Variants in PHF14 observed in about 807,000 individuals in gnomAD.
The protein encoded by PHF14 is PHD finger protein 14.
A neutral mutation model predicts 117.9 loss-of-function variants in PHF14; 55 were observed. The observed-to-expected ratio is 0.47, with a 90% CI of 0.38 to 0.58. The LOEUF (loss-of-function observed/expected upper bound fraction) is 0.58. Among genes scored for constraint, PHF14 ranks in the 20% least tolerant of loss-of-function variants. The pLI, the probability that PHF14 is intolerant of heterozygous loss-of-function variation, is 0.00. For missense variants in PHF14, 978 were observed against 1,122.2 expected (o/e 0.87, Z 1.84); for synonymous variants, 409 against 368.6 (o/e 1.11, Z -1.26).
intron 17 of PHF14, among the ~76,000 whole-genome samples, chr7:11,143,273 A>G (rs1305377925): frequency 6.6e-6 from 1 of 152,112 alleles, no homozygotes; most frequent in Non-Finnish European, 1.5e-5. Flanking sequence ...TTTTCTATCA[A>G]TAACCATGAA....
chr7:11,059,047 T>G (rs1175142242), intron 14 of PHF14, among the ~76,000 whole-genome samples: 1 of 152,200 alleles, frequency 6.6e-6, no homozygotes, highest in Non-Finnish European at 1.5e-5. Flanking sequence ...AGTGACTATT[T>G]TAGATAATTA....
chr7:11,064,116 G>A (rs1562447240), intron 16 of PHF14, among the ~76,000 whole-genome samples: 3 of 151,786 alleles, frequency 2.0e-5, no homozygotes, highest in African/African-American at 7.2e-5. Flanking sequence ...ATAAAGCAAT[G>A]CCATAAAATA....
intron 17 of PHF14, among the ~76,000 whole-genome samples, chr7:11,159,434 A>G (rs1293774485): frequency 2.0e-5 from 3 of 152,098 alleles, no homozygotes; most frequent in South Asian, 4.1e-4. Context: ...TGTGATGTCA[A>G]TTAAATGGCC....
At chr7:11,097,834 A>G (rs1036954828) in intron 16 of PHF14, among the ~76,000 whole-genome samples, 7 of 152,232 alleles carry the variant, frequency 4.6e-5, no homozygotes, top group East Asian at 1.9e-4. Flanking sequence ...CCTCTATTCT[A>G]TCTTCTCCTT....
intron 16 of PHF14, among the ~76,000 whole-genome samples, chr7:11,076,106 T>C (rs968283235): frequency 1.3e-5 from 2 of 152,218 alleles, no homozygotes; most frequent in African/African-American, 4.8e-5. Context: ...GCCGCTGCAC[T>C]CCAGCCTGGG....
At chr7:11,096,343 G>C (rs550400663) in intron 16 of PHF14, among the ~76,000 whole-genome samples, 1 of 152,196 alleles carries the variant, frequency 6.6e-6, no homozygotes, top group East Asian at 1.9e-4. Flanking sequence ...TGCTCATACA[G>C]ACCTGACAAT....
intron 3 of PHF14, among the ~76,000 whole-genome samples, chr7:10,990,101 C>T (rs1293369653): frequency 6.6e-6 from 1 of 152,086 alleles, no homozygotes; most frequent in African/African-American, 2.4e-5. Context: ...CCTACGCAGG[C>T]TCTCATGGAT....
chr7:11,047,972 AAG>A (rs1037727142), intron 13 of PHF14, among the ~76,000 whole-genome samples: 31 of 150,116 alleles, frequency 2.1e-4, no homozygotes, highest in Admixed American at 5.3e-4. Flanking sequence ...AGGAAGGGAA[AAG>A]AGAAAAACCT....
chr7:11,035,352 G>A (rs980574790), intron 7 of PHF14, among the ~76,000 whole-genome samples: 4 of 151,998 alleles, frequency 2.6e-5, no homozygotes, highest in Non-Finnish European at 4.4e-5. Context: ...ATATTGAAGG[G>A]CTACTATACA....
At chr7:11,120,698 G>T (rs1787726315) in intron 17 of PHF14, among the ~76,000 whole-genome samples, 1 of 151,864 alleles carries the variant, frequency 6.6e-6, no homozygotes, top group African/African-American at 2.4e-5. Context: ...AATATTGATG[G>T]TAATTCATAT....
chr7:11,142,569 G>C (rs1021614646), intron 17 of PHF14, among the ~76,000 whole-genome samples: 3 of 151,994 alleles, frequency 2.0e-5, no homozygotes, highest in African/African-American at 7.2e-5. Flanking sequence ...TCTTGAAAAT[G>C]TGTCTTCCAT....
chr7:11,058,215 A>G (rs1403265035), intron 14 of PHF14, among the ~76,000 whole-genome samples: 2 of 152,194 alleles, frequency 1.3e-5, no homozygotes, highest in Non-Finnish European at 2.9e-5. Context: ...TGGTAACTGA[A>G]ATTTGTCAGA....
chr7:11,093,869 A>G (rs1786742254), intron 16 of PHF14, among the ~76,000 whole-genome samples: 1 of 152,124 alleles, frequency 6.6e-6, no homozygotes, highest in Non-Finnish European at 1.5e-5. Context: ...AGACCTTTAA[A>G]AGTACAAGGG....
At chr7:10,988,131 A>G (rs1218532106) in intron 3 of PHF14, among the ~76,000 whole-genome samples, 1 of 151,494 alleles carries the variant, frequency 6.6e-6, no homozygotes, top group African/African-American at 2.4e-5. Context: ...CCATTTAGTT[A>G]GGGAAATATT....
intron 16 of PHF14, among the ~76,000 whole-genome samples, chr7:11,084,506 T>C (rs1187437682): frequency 6.6e-6 from 1 of 152,062 alleles, no homozygotes; most frequent in Non-Finnish European, 1.5e-5. Context: ...TTTTTTTTTT[T>C]TTTTAACTTC....
intron 5 of PHF14, among the ~76,000 whole-genome samples, chr7:11,017,344 A>T (rs220095): frequency 0.64 from 97,189 of 152,008 alleles, 31,705 homozygotes; most frequent in Middle Eastern, 0.71. Context: ...TTGTACTAAT[A>T]TACATTTCAT....
At chr7:11,026,178 C>A (rs1008520735) in intron 6 of PHF14, among the ~76,000 whole-genome samples, 1 of 151,928 alleles carries the variant, frequency 6.6e-6, no homozygotes. Flanking sequence ...ACCACCACCC[C>A]CATCCGTCAG....
chr7:11,080,843 A>C (rs2128336168), intron 16 of PHF14, among the ~76,000 whole-genome samples: 1 of 152,290 alleles, frequency 6.6e-6, no homozygotes, highest in South Asian at 2.1e-4. Flanking sequence ...TTTTGAATAT[A>C]GCAGAAACAG....
chr7:11,140,341 A>ATGT lies in PHF14; in HGVS notation c.2772+28876_2772+28878dup, dbSNP rs139589422. Among the ~76,000 whole-genome samples, 1,226 of 152,230 alleles carry ATGT rather than the reference A, an allele frequency of 8.1e-3. 11 individuals are homozygous for ATGT. The highest frequency in any genetic ancestry group is 0.028 in the African/African-American group (1,169 of 41,540). ...CTATTCAATTTCAGCTTTAAAACAA[A>ATGT]TGTTCACAGCTCAGTAAATCTACAT... On this transcript the variant is annotated intron_variant, in intron 17 of 17. Coordinates refer to ENST00000634607, the MANE Select transcript of PHF14 (RefSeq NM_001007157.2).
Sources: allele counts gnomAD v4.1 joint callset (sites outside exome capture counted in the v4.1 genomes callset), GRCh38; gene constraint gnomAD v4.1.1; transcripts MANE v1.5; gene names NCBI Gene and HGNC (gene_info 2026-07-23, HGNC 2026-07-21).